Variants in HCN1 observed in about 807,000 individuals in gnomAD.
HCN1 encodes the protein hyperpolarization activated cyclic nucleotide gated potassium channel 1.
HCN1 carries 13 observed loss-of-function variants against 78.9 expected under a neutral mutation model. That is an observed-to-expected ratio of 0.16 (90% CI 0.11 to 0.26). The LOEUF (loss-of-function observed/expected upper bound fraction) is 0.26. Ranked by LOEUF, HCN1 falls within the 10% of genes least tolerant of loss-of-function variation. The pLI is 1.00. For synonymous variants in HCN1, 552 were observed against 455.5 expected (o/e 1.21, Z -2.70); for missense variants, 810 against 1,154.3 (o/e 0.70, Z 4.32).
intron 5 of HCN1, among the ~76,000 whole-genome samples, chr5:45,336,914 C>T (rs1746469233): frequency 6.6e-6 from 1 of 152,016 alleles, no homozygotes; most frequent in Admixed American, 6.6e-5. Flanking sequence ...GCCTAATCAC[C>T]TCCCAAAGGC....
chr5:45,532,601 C>T lies in HCN1; in HGVS notation c.850-70594G>A, dbSNP rs1344713877. 9.9e-5 allele frequency among the ~76,000 whole-genome samples: 15 copies of T among 152,130 alleles called. No homozygotes were observed. In the South Asian group the frequency reaches 3.1e-3, roughly 32 times the overall value. ...TCTTCTTGGAATGAGGCAAAATCTA[C>T]CCTTAAATTAAAACAAATAATCAGA... On this transcript the variant is annotated intron_variant, in intron 2 of 7. Transcript: ENST00000303230.
intron 7 of HCN1, among the ~76,000 whole-genome samples, chr5:45,264,502 T>C (rs1744814177): frequency 1.3e-5 from 2 of 152,222 alleles, no homozygotes; most frequent in African/African-American, 2.4e-5. Context: ...AAGATAAATA[T>C]GTATTGTAAT....
At chr5:45,497,327 G>T (rs1742060500) in intron 2 of HCN1, among the ~76,000 whole-genome samples, 1 of 152,146 alleles carries the variant, frequency 6.6e-6, no homozygotes, top group Admixed American at 6.6e-5. Context: ...TTATTAATGT[G>T]TGGGAGTCTA....
At chr5:45,393,732 G>C (rs1418079454) in intron 4 of HCN1, among the ~76,000 whole-genome samples, 2 of 152,130 alleles carry the variant, frequency 1.3e-5, no homozygotes, top group Non-Finnish European at 2.9e-5. Flanking sequence ...TGTCTGTGAA[G>C]GACGCTTTTG....
intron 1 of HCN1, among the ~76,000 whole-genome samples, chr5:45,645,855 TA>T (rs1745538445): frequency 6.6e-6 from 1 of 151,872 alleles, no homozygotes; most frequent in Non-Finnish European, 1.5e-5. Flanking sequence ...ATTATACAAA[TA>T]AAATCAAAAA....
At chr5:45,460,495 G>A (rs1012041318) in intron 3 of HCN1, among the ~76,000 whole-genome samples, 16 of 151,964 alleles carry the variant, frequency 1.1e-4, no homozygotes, top group Non-Finnish European at 2.2e-4. Flanking sequence ...TGGAAATACA[G>A]GACAGAAGAG....
At chr5:45,582,015 G>T (rs1337867238) in intron 2 of HCN1, among the ~76,000 whole-genome samples, 2 of 152,144 alleles carry the variant, frequency 1.3e-5, no homozygotes, top group Non-Finnish European at 2.9e-5. Flanking sequence ...CTCTTTTTTG[G>T]TTCCATATGA....
At chr5:45,362,799 C>A (rs1184368345) in intron 4 of HCN1, among the ~76,000 whole-genome samples, 2 of 151,954 alleles carry the variant, frequency 1.3e-5, no homozygotes, top group African/African-American at 4.8e-5. Flanking sequence ...AGACTGTGCT[C>A]TTATTTGCTG....
chr5:45,535,815 C>G (rs1054001086), intron 2 of HCN1, among the ~76,000 whole-genome samples: 1 of 152,074 alleles, frequency 6.6e-6, no homozygotes, highest in African/African-American at 2.4e-5. Context: ...ATTATATACA[C>G]TGATTATTTT....
intron 3 of HCN1, among the ~76,000 whole-genome samples, chr5:45,428,630 A>G (rs1384393120): frequency 6.6e-6 from 1 of 152,088 alleles, no homozygotes; most frequent in African/African-American, 2.4e-5. Flanking sequence ...TTTTTATATT[A>G]AACATTTAGT....
intron 3 of HCN1, among the ~76,000 whole-genome samples, chr5:45,459,207 C>T (rs1264823486): frequency 6.6e-6 from 1 of 151,644 alleles, no homozygotes. Flanking sequence ...AGTTTAAGAC[C>T]AGCCTTGGCG....
chr5:45,425,359 T>A (rs1579885593), intron 3 of HCN1, among the ~76,000 whole-genome samples: 1 of 152,338 alleles, frequency 6.6e-6, no homozygotes, highest in East Asian at 1.9e-4. Flanking sequence ...AACTCAAAAA[T>A]CATTCATTAA....
chr5:45,553,144 C>T (rs1019816478), intron 2 of HCN1, among the ~76,000 whole-genome samples: 12 of 151,934 alleles, frequency 7.9e-5, no homozygotes, highest in African/African-American at 2.7e-4. Context: ...AAATCACCTG[C>T]CCAGAAATCT....
intron 3 of HCN1, among the ~76,000 whole-genome samples, chr5:45,452,081 T>C (rs573437470): frequency 1.3e-4 from 20 of 151,484 alleles, no homozygotes; most frequent in Middle Eastern, 3.4e-3. Flanking sequence ...CACTGCTATA[T>C]GTTTTTTGTA....
chr5:45,646,286 TTG>T (rs1745548761), intron 1 of HCN1, among the ~76,000 whole-genome samples: 1 of 152,018 alleles, frequency 6.6e-6, no homozygotes. Context: ...TACCTAAAAT[TTG>T]TGTTTTTATT....
At position 45,256,263 on chromosome 5, in the gene HCN1, C is replaced by A. The variant is rs1456646855; in HGVS notation, c.*5658G>T. ...TGGCGGGCACCTGTAATCCCAGCTA[C>A]TCTGGAGGCTGATGCAGGAGAATTG... is the stretch of plus-strand genomic sequence containing the variant. On this transcript the variant is annotated 3_prime_UTR_variant, in exon 8 of 8. Coordinates refer to ENST00000303230, the MANE Select transcript of HCN1 (RefSeq NM_021072.4). The A allele has an allele frequency of 6.6e-6, 1 of 151,666 alleles. No homozygotes were observed. Among genetic ancestry groups the A allele is most frequent in the Non-Finnish European group, 1.5e-5 (1 of 67,992 alleles). The allele number at this position is 151,666 out of a possible 1,614,324, so 9.4% of individuals were successfully genotyped here.
At chr5:45,508,306 C>A (rs1007207183) in intron 2 of HCN1, among the ~76,000 whole-genome samples, 4 of 152,038 alleles carry the variant, frequency 2.6e-5, no homozygotes, top group African/African-American at 9.7e-5. Flanking sequence ...TTAGATTACA[C>A]CACCTGTTTT....
chr5:45,635,691 T>C (rs1393572706), intron 2 of HCN1, among the ~76,000 whole-genome samples: 1 of 152,188 alleles, frequency 6.6e-6, no homozygotes, highest in Non-Finnish European at 1.5e-5. Flanking sequence ...ACGACTCATC[T>C]GATACAAAAT....
chr5:45,403,791 A>G (rs998977852), intron 3 of HCN1, among the ~76,000 whole-genome samples: 3 of 152,182 alleles, frequency 2.0e-5, no homozygotes, highest in African/African-American at 7.2e-5. Flanking sequence ...AATCAGGTAC[A>G]TGGTTCTAAA....
Sources: gnomAD v4.1 joint callset for allele counts (sites outside exome capture counted in the v4.1 genomes callset) on GRCh38, gnomAD v4.1.1 for gene constraint, MANE v1.5 for transcripts, NCBI Gene and HGNC (gene_info 2026-07-23, HGNC 2026-07-21) for gene names.